PAPPA2: variants seen among roughly 807,000 people sequenced by gnomAD.
The protein encoded by PAPPA2 is pappalysin-2.
In PAPPA2, 86 loss-of-function variants were observed where a neutral mutation model predicts 176.4. That is an observed-to-expected ratio of 0.49 (90% confidence interval 0.41 to 0.58). PAPPA2 has a LOEUF of 0.58. Ranked by LOEUF, PAPPA2 falls within the 20% of genes least tolerant of loss-of-function variation. The pLI is 0.00. For synonymous variants in PAPPA2, 809 were observed against 852.2 expected (o/e 0.95, Z 0.88); for missense variants, 2,073 against 2,256.9 (o/e 0.92, Z 1.65).
At chr1:176,630,602 G>GA (rs1362012202) in intron 3 of PAPPA2, among the ~76,000 whole-genome samples, 2 of 151,680 alleles carry the variant, frequency 1.3e-5, no homozygotes, top group African/African-American at 2.4e-5. Flanking sequence ...GTAATTCCCA[G>GA]AAAAAAATGA....
chr1:176,799,398 G>A (rs1665575767), intron 20 of PAPPA2, among the ~76,000 whole-genome samples: 1 of 152,170 alleles, frequency 6.6e-6, no homozygotes, highest in Non-Finnish European at 1.5e-5. Flanking sequence ...CAAGATGAAC[G>A]TAACTGCGCT....
intron 2 of PAPPA2, among the ~76,000 whole-genome samples, chr1:176,581,030 C>G (rs886637513): frequency 6.6e-6 from 1 of 152,082 alleles, no homozygotes; most frequent in Non-Finnish European, 1.5e-5. Context: ...TTCATAAAAT[C>G]TTTTCCCAAA....
intron 2 of PAPPA2, among the ~76,000 whole-genome samples, chr1:176,582,986 G>A (rs1230259961): frequency 1.3e-5 from 2 of 152,070 alleles, no homozygotes; most frequent in Non-Finnish European, 2.9e-5. Context: ...TTGGCAGGTT[G>A]CATGGTCCAG....
intron 21 of PAPPA2, among the ~76,000 whole-genome samples, chr1:176,828,628 G>A (rs904686280): frequency 1.3e-5 from 2 of 152,050 alleles, no homozygotes; most frequent in African/African-American, 2.4e-5. Flanking sequence ...ACGGATATAT[G>A]TATACAATTG....
rs1650822950 is a variant in PAPPA2 at position 176,549,563 on chromosome 1, G to T, written c.-916-5844G>T. Among the ~76,000 whole-genome samples, 2 of 152,198 alleles carry T rather than the reference G, an allele frequency of 1.3e-5. 1 individual carries two copies. Among genetic ancestry groups the T allele is most frequent in the South Asian group, 4.1e-4 (2 of 4,824 alleles). On this transcript the variant is annotated intron_variant, in intron 1 of 22. Transcript: ENST00000367662. The stretch of plus-strand genomic sequence containing the variant: ...TGAATGGCAGAACAGGGGCATAATT[G>T]TTTATTTGGTAATAGAGTATTTGAT...
chr1:176,580,992 A>T (rs554981264), intron 2 of PAPPA2, among the ~76,000 whole-genome samples: 72 of 151,932 alleles, frequency 4.7e-4, no homozygotes, highest in East Asian at 1.9e-3. Flanking sequence ...TAGTTTTTTC[A>T]TTTGTTGCCT....
At chr1:176,671,872 G>A (rs1417579662) in intron 4 of PAPPA2, among the ~76,000 whole-genome samples, 1 of 140,638 alleles carries the variant, frequency 7.1e-6, no homozygotes, top group Non-Finnish European at 1.5e-5. Context: ...GAGAACACAT[G>A]GACACAGGAA....
At chr1:176,600,013 A>T (rs1654219710) in intron 3 of PAPPA2, among the ~76,000 whole-genome samples, 1 of 152,140 alleles carries the variant, frequency 6.6e-6, no homozygotes, top group Admixed American at 6.5e-5. Context: ...TATTATTAAA[A>T]ATATTAATTT....
At chr1:176,474,708 G>A (rs936501364) in intron 1 of PAPPA2, among the ~76,000 whole-genome samples, 8 of 152,208 alleles carry the variant, frequency 5.3e-5, no homozygotes, top group Admixed American at 4.6e-4. Context: ...TCATATAAAA[G>A]CTAAAATTGT....
chr1:176,682,758 C>A (rs1413347776), intron 4 of PAPPA2, among the ~76,000 whole-genome samples: 2 of 152,154 alleles, frequency 1.3e-5, no homozygotes, highest in Admixed American at 1.3e-4. Flanking sequence ...ACCACTTTTT[C>A]TTTCCTTGCC....
At chr1:176,690,905 T>C in intron 5 of PAPPA2, 2 of 929,714 alleles carry the variant, frequency 2.2e-6, no homozygotes, top group South Asian at 5.2e-5. Flanking sequence ...TTTTACTGTA[T>C]GTTACTAAAA....
intron 17 of PAPPA2, among the ~76,000 whole-genome samples, chr1:176,782,584 G>C (rs1240597768): frequency 6.6e-6 from 1 of 152,146 alleles, no homozygotes; most frequent in Non-Finnish European, 1.5e-5. Context: ...ACCAACTCTT[G>C]AGGCTGGGAA....
chr1:176,660,685 G>T (rs1658314010), intron 3 of PAPPA2, among the ~76,000 whole-genome samples: 1 of 151,906 alleles, frequency 6.6e-6, no homozygotes, highest in Non-Finnish European at 1.5e-5. Flanking sequence ...TTGAATCAAG[G>T]ACACACTCTC....
intron 1 of PAPPA2, among the ~76,000 whole-genome samples, chr1:176,491,111 G>C (rs1647269401): frequency 6.6e-6 from 1 of 152,220 alleles, no homozygotes; most frequent in Admixed American, 6.5e-5. Flanking sequence ...TAGCTCTTGA[G>C]AAGTCGAGAT....
chr1:176,690,096 C>A, intron 4 of PAPPA2, 41 bp from the exon 5 acceptor site: 1 of 1,502,620 alleles, frequency 6.7e-7, no homozygotes, highest in Non-Finnish European at 9.1e-7. Context: ...GAGAGCTATT[C>A]ATTCTGTGCT....
chr1:176,709,414 A>C (rs1167525494), intron 10 of PAPPA2, among the ~76,000 whole-genome samples: 1 of 152,112 alleles, frequency 6.6e-6, no homozygotes, highest in Non-Finnish European at 1.5e-5. Flanking sequence ...ACTAAAAAAA[A>C]ATTAATAACA....
intron 3 of PAPPA2, among the ~76,000 whole-genome samples, chr1:176,600,053 GA>G (rs1654222397): frequency 6.6e-6 from 1 of 151,948 alleles, no homozygotes; most frequent in African/African-American, 2.4e-5. Context: ...GCAATATTTT[GA>G]AAAATCATTA....
intron 3 of PAPPA2, among the ~76,000 whole-genome samples, chr1:176,660,010 C>A (rs1361676876): frequency 6.6e-6 from 1 of 152,044 alleles, no homozygotes; most frequent in African/African-American, 2.4e-5. Context: ...CTGTCCCCAC[C>A]CCTGTCATCT....
At position 176,686,849 on chromosome 1, in the gene PAPPA2, A is replaced by AAAGGTTGAACAGCC. The variant is rs1277833732; in HGVS notation, c.2138-3283_2138-3270dup. Among the ~76,000 whole-genome samples, 36 of 152,326 alleles carry AAAGGTTGAACAGCC rather than the reference A, an allele frequency of 2.4e-4. 1 individual carries two copies. Among genetic ancestry groups the AAAGGTTGAACAGCC allele is most frequent in the Admixed American group, 7.8e-4 (12 of 15,296 alleles). ...ATTTTACAGATGAAGAGATTAGGGG[A>AAAGGTTGAACAGCC]AAGGTTGAACAGCCAAGGCCATGGA... On this transcript the variant is annotated intron_variant, in intron 4 of 22. Coordinates refer to ENST00000367662, the MANE Select transcript of PAPPA2 (RefSeq NM_020318.3).
Sources: gnomAD v4.1 joint callset for allele counts (sites outside exome capture counted in the v4.1 genomes callset) on GRCh38, gnomAD v4.1.1 for gene constraint, MANE v1.5 for transcripts, NCBI Gene and HGNC (gene_info 2026-07-23, HGNC 2026-07-21) for gene names.